The following ZNF600 variants were observed in gnomAD, a reference collection of about 807,000 sequenced individuals.
The protein encoded by ZNF600 is zinc finger protein KR-ZNF1.
Under a neutral mutation model 7.3 loss-of-function variants are expected in ZNF600, and 4 were observed. That is an observed-to-expected ratio of 0.55 (90% CI 0.27 to 1.25). The LOEUF (loss-of-function observed/expected upper bound fraction) is 1.25. Ranked by LOEUF, ZNF600 falls within the 50% of genes most tolerant of loss-of-function variation. The pLI, the probability that ZNF600 is intolerant of heterozygous loss-of-function variation, is 0.12. For synonymous variants in ZNF600, 290 were observed against 308.9 expected (o/e 0.94, Z 0.64); for missense variants, 911 against 922.1 (o/e 0.99, Z 0.16).
the ZNF600 span, among the ~76,000 whole-genome samples, chr19:52,825,681 A>C: frequency 9.2e-5 from 14 of 152,098 alleles, no homozygotes; most frequent in African/African-American, 2.7e-4. Flanking sequence ...ACAAAACAAA[A>C]AACAACAACA....
At chr19:52,813,773 C>T in the ZNF600 span, among the ~76,000 whole-genome samples, 1 of 146,628 alleles carries the variant, frequency 6.8e-6, no homozygotes, top group Non-Finnish European at 1.5e-5. Flanking sequence ...ACTGTAAATT[C>T]CCCTTCCCCA....
At chr19:52,801,061 G>C in the ZNF600 span, 2 of 1,614,102 alleles carry the variant, frequency 1.2e-6, no homozygotes, top group South Asian at 2.2e-5. Flanking sequence ...TGAGATCTAC[G>C]ATGGCATGCA....
At chr19:52,795,841 C>G in the ZNF600 span, among the ~76,000 whole-genome samples, 1 of 149,802 alleles carries the variant, frequency 6.7e-6, no homozygotes, top group African/African-American at 2.5e-5. Flanking sequence ...GCTGGGATTA[C>G]AGGTGTGAGC....
At chr19:52,773,905 A>G (rs1450543691) in intron 3 of ZNF600, among the ~76,000 whole-genome samples, 1 of 150,374 alleles carries the variant, frequency 6.7e-6, no homozygotes, top group Admixed American at 6.6e-5. Context: ...TTTAATAGAA[A>G]TGTGGTTTCA....
upstream of ZNF600, among the ~76,000 whole-genome samples, chr19:52,788,938 G>A (rs570911104): frequency 9.0e-4 from 137 of 152,304 alleles, no homozygotes; most frequent in Admixed American, 8.8e-3. Context: ...TCCACTCAGG[G>A]CACCAGCCCC....
At chr19:52,818,013 G>C in the ZNF600 span, 8 of 1,607,964 alleles carry the variant, frequency 5.0e-6, no homozygotes, top group South Asian at 3.3e-5. Flanking sequence ...CACGTACCAA[G>C]ATTCTTTAGA....
chr19:52,813,249 G>GA, the ZNF600 span, among the ~76,000 whole-genome samples: 9,130 of 62,898 alleles, frequency 0.15, 1,183 homozygotes, highest in African/African-American at 0.28. Context: ...CTTGAATGGT[G>GA]AAAAAAAAAA....
chr19:52,816,079 C>T, the ZNF600 span, among the ~76,000 whole-genome samples: 1 of 147,396 alleles, frequency 6.8e-6, no homozygotes, highest in African/African-American at 2.6e-5. Flanking sequence ...AATAGTGGCT[C>T]GCCAGTGAGG....
chr19:52,804,084 T>C, the ZNF600 span, among the ~76,000 whole-genome samples: 1 of 152,236 alleles, frequency 6.6e-6, no homozygotes, highest in Non-Finnish European at 1.5e-5. Context: ...TACTCATGAA[T>C]AGGACTAGTG....
rs962071899 is a variant in ZNF600 at position 52,775,685 on chromosome 19, C to T, written c.64-984G>A. 1.1e-4 allele frequency among the ~76,000 whole-genome samples: 16 copies of T among 152,134 alleles called. No individual in the cohort carries two copies. The East Asian group carries it at 1.5e-3, about 15-fold the overall frequency. ...GTGTTTCAGAGAGGACAAAATCCAA[C>T]GGCTTTGAATGAAAAGTCTGAATCT... On this transcript the variant is annotated intron_variant, in intron 2 of 3. Transcript: ENST00000648973.
chr19:52,780,118 C>A lies in ZNF600; in HGVS notation c.-19-1211G>T, dbSNP rs137866445. On this transcript the variant is annotated intron_variant, in intron 1 of 3. Coordinates refer to ENST00000648973, the Ensembl canonical transcript of ZNF600. ...AGTCTTCCTGCCTTTGTTTAAAGTT[C>A]TCCCACCTTCCCAGACCAAATCAAT... Among the ~76,000 whole-genome samples, 273 of 152,306 alleles carry A rather than the reference C, an allele frequency of 1.8e-3. 3 individuals are homozygous for A. Among genetic ancestry groups the A allele is most frequent in the African/African-American group, 6.2e-3 (257 of 41,564 alleles).
In ZNF600 at chr19:52,778,113, AAGTGATTATCCTGCCTCAGCCTCCTG is replaced by A. The variant is rs71813707; in HGVS notation, c.63+687_63+712del. Among the ~76,000 whole-genome samples the A allele has an allele frequency of 9.8e-3, 1,493 of 152,092 alleles. 21 individuals are homozygous for A. Among genetic ancestry groups the A allele is most frequent in the African/African-American group, 0.034 (1,404 of 41,476 alleles). Reference sequence around the variant, plus strand: ...ACAGTAACCTCCACGTCCTGGGTTTAAGTGATTATCCTGCCTCAGCCTCCTGAGTAGATGAGATTACAGGCATGCAC... The same window carrying A: ...ACAGTAACCTCCACGTCCTGGGTTTAAGTAGATGAGATTACAGGCATGCAC... On this transcript the variant is annotated intron_variant, in intron 2 of 3. Coordinates refer to ENST00000648973, the Ensembl canonical transcript of ZNF600.
chr19:52,782,098 C>T (rs954678197), intron 1 of ZNF600, among the ~76,000 whole-genome samples: 1 of 151,584 alleles, frequency 6.6e-6, no homozygotes, highest in South Asian at 2.1e-4. Context: ...CCTCGTGGGG[C>T]GTGCCTGTGG....
chr19:52,773,819 TGA>T (rs2062650209), intron 3 of ZNF600, among the ~76,000 whole-genome samples: 1 of 151,722 alleles, frequency 6.6e-6, no homozygotes, highest in South Asian at 2.1e-4. Flanking sequence ...TGCAGTGAGC[TGA>T]GATTGCACCA....
At chr19:52,776,881 C>A (rs1210066527) in intron 2 of ZNF600, among the ~76,000 whole-genome samples, 1 of 152,104 alleles carries the variant, frequency 6.6e-6, no homozygotes, top group Non-Finnish European at 1.5e-5. Context: ...CTAATCCAAG[C>A]TACTGGAGAG....
At chr19:52,809,655 A>G in the ZNF600 span, among the ~76,000 whole-genome samples, 1 of 152,244 alleles carries the variant, frequency 6.6e-6, no homozygotes, top group East Asian at 1.9e-4. Context: ...AAAATACAAA[A>G]AATAGCCAGA....
chr19:52,806,345 C>G, the ZNF600 span, among the ~76,000 whole-genome samples: 1 of 151,970 alleles, frequency 6.6e-6, no homozygotes, highest in African/African-American at 2.4e-5. Flanking sequence ...AGCCACCCAC[C>G]ACGGCGCCTG....
At chr19:52,831,220 T>A in the ZNF600 span, among the ~76,000 whole-genome samples, 2 of 152,096 alleles carry the variant, frequency 1.3e-5, no homozygotes, top group South Asian at 2.1e-4. Flanking sequence ...CCTGGCTGAG[T>A]AGGTAGAGAT....
intron 2 of ZNF600, among the ~76,000 whole-genome samples, chr19:52,775,516 CTTT>C: frequency 6.6e-6 from 1 of 152,236 alleles, no homozygotes; most frequent in South Asian, 2.1e-4. Flanking sequence ...CACCACTGCA[CTTT>C]AGCCTGGCAA....
Sources: gnomAD v4.1 joint callset for allele counts (sites outside exome capture counted in the v4.1 genomes callset) on GRCh38, gnomAD v4.1.1 for gene constraint, MANE v1.5 for transcripts, NCBI Gene and HGNC (gene_info 2026-07-23, HGNC 2026-07-21) for gene names.